SPTBN1: variants seen among roughly 807,000 people sequenced by gnomAD.
SPTBN1 encodes the protein spectrin beta, non-erythrocytic 1.
A neutral mutation model predicts 266.4 loss-of-function variants in SPTBN1; 32 were observed. The ratio of observed to expected loss-of-function variants is 0.12; its 90% CI spans 0.09 to 0.16. SPTBN1 has a LOEUF of 0.16. Ranked by LOEUF, SPTBN1 falls within the 10% of genes least tolerant of loss-of-function variation. The pLI, the probability that SPTBN1 is intolerant of heterozygous loss-of-function variation, is 1.00. For synonymous variants in SPTBN1, 1,336 were observed against 1,162.2 expected, an observed-to-expected ratio of 1.15 and a Z score of -3.04; for missense variants, 2,296 against 3,067.1, an observed-to-expected ratio of 0.75 and a Z score of 5.94.
chr2:54,570,603 A>C (rs1363224929), intron 2 of SPTBN1, among the ~76,000 whole-genome samples: 1 of 152,076 alleles, frequency 6.6e-6, no homozygotes, highest in Non-Finnish European at 1.5e-5. Context: ...TGTTTTAAGC[A>C]CTGACTGGTT....
chr2:54,627,389 C>T (rs1376698533), intron 12 of SPTBN1, among the ~76,000 whole-genome samples: 1 of 152,148 alleles, frequency 6.6e-6, no homozygotes, highest in African/African-American at 2.4e-5. Flanking sequence ...GAATGAGGCC[C>T]CCAAATTTCG....
intron 1 of SPTBN1, among the ~76,000 whole-genome samples, chr2:54,490,126 C>G (rs949703026): frequency 2.0e-5 from 3 of 148,852 alleles, no homozygotes; most frequent in African/African-American, 7.5e-5. Flanking sequence ...GTCACCCAGG[C>G]TGGAGTGCAA....
At chr2:54,589,964 G>T (rs922632074) in intron 2 of SPTBN1, among the ~76,000 whole-genome samples, 2 of 152,136 alleles carry the variant, frequency 1.3e-5, no homozygotes, top group Non-Finnish European at 2.9e-5. Context: ...AATTGTTAAA[G>T]TTGCAACAAA....
In SPTBN1 at chr2:54,653,413, T is replaced by C. The variant is rs1680433887; in HGVS notation, c.5578-196T>C. On this transcript the variant is annotated intron_variant, in intron 26 of 35. Transcript: ENST00000356805. The surrounding 1 kb of genome is among the most constrained non-coding windows in gnomAD (Gnocchi z 5.1). The stretch of plus-strand genomic sequence containing the variant: ...ATCATTCATAAAGAACTTAATAATG[T>C]AGTTGAACAGATTTATAGAAAACGG... The C allele has an allele frequency of 1.3e-5, 9 of 709,588 alleles. No individual in the cohort carries two copies. In the South Asian group the frequency reaches 2.0e-4, roughly 16 times the overall value. 44.0% of individuals were successfully genotyped at this position (709,588 alleles called of 1,614,324 possible). A position where few individuals can be genotyped will look rare whatever the true frequency, so the allele number is the denominator to read the frequency against.
intron 2 of SPTBN1, among the ~76,000 whole-genome samples, chr2:54,572,461 T>C (rs1674156846): frequency 6.6e-6 from 1 of 152,188 alleles, no homozygotes; most frequent in African/African-American, 2.4e-5. Flanking sequence ...GTGTGAGTAA[T>C]GCTTTGCTAG....
intron 2 of SPTBN1, among the ~76,000 whole-genome samples, chr2:54,548,369 C>G (rs987964124): frequency 1.3e-5 from 2 of 152,104 alleles, no homozygotes; most frequent in Non-Finnish European, 2.9e-5. Flanking sequence ...GTGCTTGTAC[C>G]GCATCCTGGG....
chr2:54,645,723 A>T lies in SPTBN1; in HGVS notation c.4495-205A>T, dbSNP rs1679882242. Among the ~76,000 whole-genome samples the T allele has an allele frequency of 6.6e-6, 1 of 152,132 alleles. No homozygotes were observed. Among genetic ancestry groups the T allele is most frequent in the African/African-American group, 2.4e-5 (1 of 41,428 alleles). On this transcript the variant is annotated intron_variant, in intron 21 of 35. Transcript: ENST00000356805. The surrounding 1 kb of genome is among the most constrained non-coding windows in gnomAD (Gnocchi z 4.3). ...GTAATGAGGACTCACAGTGAGTTTG[A>T]CCTTGAGGATGAGGTAGAGTTGGAA...
At position 54,667,632 on chromosome 2, in the gene SPTBN1, C is replaced by G; in HGVS notation, c.6862C>G (p.Gln2288Glu). The G allele has an allele frequency of 6.2e-7, 1 of 1,613,776 alleles. No homozygotes were observed. Among genetic ancestry groups the G allele is most frequent in the South Asian group, 1.1e-5 (1 of 91,072 alleles). The change falls in exon 35 of 36, where the codon CAA becomes GAA. Residue 2288 changes from glutamine (Q) to glutamate (E), a missense_variant. Coordinates refer to ENST00000356805, the MANE Select transcript of SPTBN1 (RefSeq NM_003128.3). ...RLNDGNEYLFQAKDDEEMNTW... is the reference protein window; with the variant it reads ...RLNDGNEYLFEAKDDEEMNTW... ...AAATGATGGCAATGAGTACCTCTTC[C>G]AAGCCAAAGACGATGTAAGTTTCTA...
chr2:54,525,761 C>T (rs1172628551), intron 1 of SPTBN1, among the ~76,000 whole-genome samples: 1 of 152,102 alleles, frequency 6.6e-6, no homozygotes, highest in Non-Finnish European at 1.5e-5. Context: ...GACGGAGTCT[C>T]GCTCTGTTGC....
chr2:54,570,040 G>T (rs1416768613), intron 2 of SPTBN1, among the ~76,000 whole-genome samples: 1 of 149,110 alleles, frequency 6.7e-6, no homozygotes, highest in African/African-American at 2.4e-5. Context: ...GTAGTTTGAA[G>T]GTCACAATGC....
At chr2:54,505,190 G>T (rs945771310) in intron 1 of SPTBN1, among the ~76,000 whole-genome samples, 1 of 152,104 alleles carries the variant, frequency 6.6e-6, no homozygotes, top group Admixed American at 6.5e-5. Flanking sequence ...CATTGTATTC[G>T]ATCACAAGAA....
chr2:54,457,955 G>T (rs1490514455), intron 1 of SPTBN1, among the ~76,000 whole-genome samples: 1 of 152,258 alleles, frequency 6.6e-6, no homozygotes, highest in Admixed American at 6.5e-5. Context: ...GCGACCAGGG[G>T]ACCTGAGCCA....
intron 18 of SPTBN1, among the ~76,000 whole-genome samples, chr2:54,638,310 T>C (rs1382277216): frequency 6.6e-6 from 1 of 152,216 alleles, no homozygotes; most frequent in Non-Finnish European, 1.5e-5. Flanking sequence ...TTTAAAGCAA[T>C]GTACATTTCA....
chr2:54,613,088 G>A (rs1051245344), intron 4 of SPTBN1, among the ~76,000 whole-genome samples: 4 of 152,148 alleles, frequency 2.6e-5, no homozygotes, highest in African/African-American at 7.2e-5. Flanking sequence ...AAGAGAGAGC[G>A]CTCAGCCTTT....
At chr2:54,494,000 A>C (rs965005657) in intron 1 of SPTBN1, among the ~76,000 whole-genome samples, 5 of 152,342 alleles carry the variant, frequency 3.3e-5, no homozygotes, top group African/African-American at 1.2e-4. Flanking sequence ...AGATAATCAC[A>C]GTGTCATGCT....
intron 4 of SPTBN1, 59 bp from the exon 5 acceptor site, chr2:54,616,148 A>G: frequency 6.9e-7 from 1 of 1,444,444 alleles, no homozygotes; most frequent in Admixed American, 1.7e-5. Flanking sequence ...CCTGTTCTTC[A>G]GTGGTTCTTT....
chr2:54,503,651 A>G (rs1669392672), intron 1 of SPTBN1, among the ~76,000 whole-genome samples: 1 of 152,186 alleles, frequency 6.6e-6, no homozygotes, highest in Admixed American at 6.5e-5. Flanking sequence ...CTAGTCTTTG[A>G]ACATACCAAC....
chr2:54,606,388 C>T (rs1676840796), intron 3 of SPTBN1, among the ~76,000 whole-genome samples: 1 of 152,168 alleles, frequency 6.6e-6, no homozygotes, highest in South Asian at 2.1e-4. Flanking sequence ...CAGTTCCCAT[C>T]ATGAAGACAC....
chr2:54,569,255 G>C (rs1673892419), intron 2 of SPTBN1, among the ~76,000 whole-genome samples: 1 of 152,178 alleles, frequency 6.6e-6, no homozygotes, highest in Non-Finnish European at 1.5e-5. Context: ...GTTGTGGCCA[G>C]TTGAAAGCAG....
Sources: gnomAD v4.1 joint callset for allele counts (sites outside exome capture counted in the v4.1 genomes callset) on GRCh38, gnomAD v4.1.1 for gene constraint, Gnocchi (gnomAD v3.1) non-coding constraint, MANE v1.5 for transcripts, NCBI Gene and HGNC (gene_info 2026-07-23, HGNC 2026-07-21) for gene names.